SLC40A1: variants seen among roughly 807,000 people sequenced by gnomAD.
SLC40A1 encodes solute carrier family 40 member 1, also known as ferroportin.
SLC40A1 carries 16 observed loss-of-function variants against 53.5 expected under a neutral mutation model. That is an observed-to-expected ratio of 0.30 (90% CI 0.20 to 0.45). The LOEUF is 0.45. SLC40A1 is among the 20% of genes least tolerant of loss of function. The pLI, the probability that SLC40A1 is intolerant of heterozygous loss-of-function variation, is 1.00. For synonymous variants in SLC40A1, 247 were observed against 253.2 expected (o/e 0.98, Z 0.23); for missense variants, 545 against 695.4 (o/e 0.78, Z 2.43).
chr2:189,569,068 C>A (rs1274778053), intron 5 of SLC40A1, among the ~76,000 whole-genome samples: 2 of 152,202 alleles, frequency 1.3e-5, no homozygotes. Context: ...AATAAAACAC[C>A]TTTTCTGGAA....
chr2:189,580,623 G>C lies in SLC40A1; in HGVS notation c.-163C>G, dbSNP rs963233011. The C allele has an allele frequency of 6.5e-6, 10 of 1,538,544 alleles. No homozygotes were observed. The highest frequency in any genetic ancestry group is 2.4e-5 in the East Asian group (1 of 41,208). ...ACGACGACTTTGGCAAAGAACAAAAGAAAAGGGGCCCAGGGATTTTCTTTT... is the reference window on the plus strand; with the variant it reads ...ACGACGACTTTGGCAAAGAACAAAACAAAAGGGGCCCAGGGATTTTCTTTT... On this transcript the variant is annotated 5_prime_UTR_variant, in exon 1 of 8. Transcript: ENST00000261024.
chr2:189,564,172 T>C lies in SLC40A1; in HGVS notation c.814A>G (p.Asn272Asp). Residue 272 changes from asparagine to aspartate, a missense_variant, in exon 7 of 8, where the codon AAC becomes GAC. By Grantham distance (23) the Asn-to-Asp change is conservative. Coordinates refer to ENST00000261024, the MANE Select transcript of SLC40A1 (RefSeq NM_014585.6). ...TGCTCATGTTCAAGCTCATGGATGT[T>C]AGAGTCTTTCACACCCATTAGATGA... ...GTHLMGVKDS[N>D]IHELEHEQEP... 1 of 1,613,596 alleles carries C rather than the reference T, an allele frequency of 6.2e-7. No individual in the cohort carries two copies. Among genetic ancestry groups the C allele is most frequent in the Non-Finnish European group, 8.5e-7 (1 of 1,179,812 alleles).
At position 189,565,607 on chromosome 2, in the gene SLC40A1, G is replaced by A; in HGVS notation, c.515-8C>T. The A allele has an allele frequency of 1.2e-6, 2 of 1,614,174 alleles. No individual in the cohort carries two copies. Among genetic ancestry groups the A allele is most frequent in the Non-Finnish European group, 1.7e-6 (2 of 1,180,042 alleles). ...GTATTGTGGCATTCATATCTAGAGAGGCAGGTGAAAGAGGCAGGTAAGTGT... is the reference window on the plus strand; with the variant it reads ...GTATTGTGGCATTCATATCTAGAGAAGCAGGTGAAAGAGGCAGGTAAGTGT... On this transcript the variant is annotated splice_region_variant and splice_polypyrimidine_tract_variant and intron_variant, in intron 5 of 7. Coordinates refer to ENST00000261024, the MANE Select transcript of SLC40A1 (RefSeq NM_014585.6).
rs1215218000 is a variant in SLC40A1 at position 189,580,749 on chromosome 2, G to A, written c.-289C>T. The A allele has an allele frequency of 2.2e-6, 3 of 1,333,980 alleles. No individual in the cohort carries two copies. Among genetic ancestry groups the A allele is most frequent in the African/African-American group, 1.5e-5 (1 of 66,610 alleles). 82.6% of individuals were successfully genotyped at this position (1,333,980 alleles called of 1,614,324 possible). A position where few individuals can be genotyped will look rare whatever the true frequency, so the allele number is the denominator to read the frequency against. ...CTCAGCAGGTCGTCCGAGCCTAGCG[G>A]ACGCCCTGAGCCAGCTCTCTCCGCC... On this transcript the variant is annotated 5_prime_UTR_variant, in exon 1 of 8. Transcript: ENST00000261024.
chr2:189,570,139 T>C (rs1574242088), intron 5 of SLC40A1, among the ~76,000 whole-genome samples: 1 of 151,626 alleles, frequency 6.6e-6, no homozygotes, highest in Non-Finnish European at 1.5e-5. Flanking sequence ...TGTATATATA[T>C]ATCTTAGGAC....
At chr2:189,576,311 G>A (rs1025860387) in intron 2 of SLC40A1, among the ~76,000 whole-genome samples, 6 of 152,104 alleles carry the variant, frequency 3.9e-5, no homozygotes, top group African/African-American at 1.4e-4. Context: ...TCTACTCCTA[G>A]TTCTTCCCAA....
intron 3 of SLC40A1, among the ~76,000 whole-genome samples, chr2:189,573,166 A>G (rs988669215): frequency 1.3e-5 from 2 of 152,204 alleles, no homozygotes; most frequent in African/African-American, 4.8e-5. Flanking sequence ...AAATATGCAA[A>G]CAAAATGATG....
chr2:189,569,256 C>T lies in SLC40A1; in HGVS notation c.514+2459G>A, dbSNP rs1408592696. Among the ~76,000 whole-genome samples the T allele has an allele frequency of 3.9e-5, 6 of 152,224 alleles. No individual in the cohort carries two copies. In the East Asian group the frequency reaches 1.2e-3, roughly 29 times the overall value. ...GTGATGAGGAAATGGGAGCAATCAG[C>T]ATCCAGCTCAAAACTTTTACTTTTC... On this transcript the variant is annotated intron_variant, in intron 5 of 7. Coordinates refer to ENST00000261024, the MANE Select transcript of SLC40A1 (RefSeq NM_014585.6).
At chr2:189,571,602 C>T in intron 5 of SLC40A1, 113 bp downstream of exon 5, 2 of 1,506,954 alleles carry the variant, frequency 1.3e-6, no homozygotes, top group Non-Finnish European at 1.8e-6. Flanking sequence ...TTCAATTTAT[C>T]ATTCTTAAAA....
chr2:189,580,088 A>G (rs1194923854), intron 1 of SLC40A1, among the ~76,000 whole-genome samples: 1 of 152,206 alleles, frequency 6.6e-6, no homozygotes, highest in African/African-American at 2.4e-5. Flanking sequence ...GACCTAGTCA[A>G]TAACTGCCCA....
At chr2:189,578,517 G>C (rs1398227886) in intron 2 of SLC40A1, 1 of 237,796 alleles carries the variant, frequency 4.2e-6, no homozygotes, top group African/African-American at 2.3e-5. Flanking sequence ...ACTTGGAAGA[G>C]AGGCATCTTC....
At chr2:189,566,025 T>G (rs1015409736) in intron 5 of SLC40A1, among the ~76,000 whole-genome samples, 9 of 150,952 alleles carry the variant, frequency 6.0e-5, no homozygotes, top group African/African-American at 2.2e-4. Context: ...AACAAGCATA[T>G]GTGTGTGTGT....
intron 7 of SLC40A1, 135 bp downstream of exon 7, chr2:189,563,449 T>C: frequency 2.9e-6 from 2 of 687,192 alleles, no homozygotes; most frequent in Non-Finnish European, 4.7e-6. Context: ...ATATGTAAAA[T>C]AAAAATTTCG....
rs762709394 is a variant in SLC40A1, at chr2:189,564,108, C to T, written c.878G>A (p.Arg293His). The T allele has an allele frequency of 1.7e-5, 28 of 1,611,054 alleles. No individual in the cohort carries two copies. Among genetic ancestry groups the T allele is most frequent in the South Asian group, 1.2e-4 (11 of 90,692 alleles). Reference sequence around the variant, plus strand: ...GGAGACCCATCCATCTCGGAAGGTACGGAAGGGCTCAGCCATCTGGGAGGC... The same window carrying T: ...GGAGACCCATCCATCTCGGAAGGTATGGAAGGGCTCAGCCATCTGGGAGGC... ...TCASQMAEPF[R>H]TFRDGWVSYY... Residue 293 changes from arginine to histidine, a missense_variant, in exon 7 of 8, where the codon CGT becomes CAT. By Grantham distance (29) the Arg-to-His change is conservative. This residue lies in a region of SLC40A1 where 107 missense variants were observed against 91.0 expected (regional missense o/e 1.18). Transcript: ENST00000261024.
chr2:189,579,705 T>C, intron 2 of SLC40A1, 108 bp downstream of exon 2: 1 of 970,544 alleles, frequency 1.0e-6, no homozygotes, highest in Non-Finnish European at 1.7e-6. Flanking sequence ...GATGATTTAT[T>C]TCTTTAACTG....
Position 189,565,434 on chromosome 2 carries a change from T to C in SLC40A1, c.680A>G (p.Tyr227Cys), listed in dbSNP as rs2030906600. ...CVEYVLLWKV[Y>C]QKTPALAVKA... ...CACAGCTAGAGCTGGGGTTTTCTGG[T>C]AAACCTTCCAGAGCAGAACGTACTC... The change falls in exon 6 of 8, where the codon TAC becomes TGC. Residue 227 changes from tyrosine (Y) to cysteine (C), a missense_variant. This residue lies in a region of SLC40A1 where 107 missense variants were observed against 91.0 expected (regional missense o/e 1.18). Transcript: ENST00000261024. 1.2e-6 allele frequency: 2 copies of C among 1,614,208 alleles called. No homozygotes were observed. Among genetic ancestry groups the C allele is most frequent in the East Asian group, 4.5e-5 (2 of 44,882 alleles).
At chr2:189,567,244 T>C (rs13404407) in intron 5 of SLC40A1, among the ~76,000 whole-genome samples, 1,917 of 152,236 alleles carry the variant, frequency 0.013, 18 homozygotes, top group East Asian at 0.069. Flanking sequence ...TTTCTCAAAA[T>C]ATGGATGCCT....
At chr2:189,577,750 A>T (rs1333554426) in intron 2 of SLC40A1, among the ~76,000 whole-genome samples, 3 of 151,504 alleles carry the variant, frequency 2.0e-5, no homozygotes, top group Non-Finnish European at 4.4e-5. Flanking sequence ...AGTAGCTGGG[A>T]CTACAGGTGT....
intron 1 of SLC40A1, 151 bp from the exon 2 acceptor site, chr2:189,580,031 A>G: frequency 1.2e-6 from 1 of 828,780 alleles, no homozygotes; most frequent in Non-Finnish European, 2.0e-6. Flanking sequence ...TTACCTATGA[A>G]CCGATGTATT....
Sources: allele counts gnomAD v4.1 joint callset (sites outside exome capture counted in the v4.1 genomes callset), GRCh38; gene constraint gnomAD v4.1.1; regional missense constraint gnomAD v4.1.1; transcripts MANE v1.5; gene names NCBI Gene and HGNC (gene_info 2026-07-23, HGNC 2026-07-21).